WDFY2: variants seen among roughly 807,000 people sequenced by gnomAD.
WDFY2 encodes the protein WD repeat and FYVE domain containing 2.
A neutral mutation model predicts 56.4 loss-of-function variants in WDFY2; 36 were observed. The ratio of observed to expected loss-of-function variants is 0.64; its 90% CI spans 0.49 to 0.84. The LOEUF is 0.84. WDFY2 is among the 40% of genes least tolerant of loss of function. The pLI is 0.00. For missense variants in WDFY2, 444 were observed against 512.2 expected, an observed-to-expected ratio of 0.87 and a Z score of 1.29; for synonymous variants, 176 against 183.7, an observed-to-expected ratio of 0.96 and a Z score of 0.34.
chr13:51,744,435 C>T (rs1255324434), intron 7 of WDFY2, among the ~76,000 whole-genome samples: 2 of 152,236 alleles, frequency 1.3e-5, no homozygotes, highest in Admixed American at 6.5e-5. Flanking sequence ...GGGCATGTGA[C>T]ATGTGCAGTC....
At chr13:51,744,782 C>T (rs763971917) in intron 7 of WDFY2, among the ~76,000 whole-genome samples, 4 of 152,168 alleles carry the variant, frequency 2.6e-5, no homozygotes, top group Admixed American at 2.0e-4. Flanking sequence ...CTAGTATAAA[C>T]GCTACAGTGA....
At chr13:51,697,128 T>C (rs1355658885) in intron 3 of WDFY2, among the ~76,000 whole-genome samples, 1 of 152,200 alleles carries the variant, frequency 6.6e-6, no homozygotes, top group Non-Finnish European at 1.5e-5. Flanking sequence ...TTAAATAAAG[T>C]AGGCACTCTA....
chr13:51,763,305 G>T lies in WDFY2; in HGVS notation c.*3536G>T, dbSNP rs1298953360. On this transcript the variant is annotated 3_prime_UTR_variant, in exon 12 of 12. Transcript: ENST00000298125. ...ATATATGACAGTTTTTTTGGCTCCG[G>T]CCCTGTGGTGGGGGAGGTAATTATT... is the stretch of plus-strand genomic sequence containing the variant. 1.3e-5 allele frequency: 2 copies of T among 152,098 alleles called. No homozygotes were observed. Among genetic ancestry groups the T allele is most frequent in the African/African-American group, 4.8e-5 (2 of 41,410 alleles). The allele number at this position is 152,098 out of a possible 1,614,324, so 9.4% of individuals were successfully genotyped here.
At chr13:51,672,230 T>C (rs1955820454) in intron 2 of WDFY2, among the ~76,000 whole-genome samples, 1 of 152,222 alleles carries the variant, frequency 6.6e-6, no homozygotes, top group African/African-American at 2.4e-5. Context: ...TTGTATAAGG[T>C]GAGAGATGGG....
At chr13:51,643,981 C>G (rs1317831265) in intron 1 of WDFY2, among the ~76,000 whole-genome samples, 1 of 152,138 alleles carries the variant, frequency 6.6e-6, no homozygotes, top group Non-Finnish European at 1.5e-5. Flanking sequence ...TGCTAACTAA[C>G]ATTGATTAAT....
chr13:51,767,651 C>G lies in WDFY2; in HGVS notation c.*7882C>G, dbSNP rs1953791776. On this transcript the variant is annotated 3_prime_UTR_variant, in exon 12 of 12. Transcript: ENST00000298125. ...CAGAATGCCAGATGCATTACTGAAG[C>G]CACTCCTAATCTTAAGCAAATGTAA... 1 of 154,184 alleles carries G rather than the reference C, an allele frequency of 6.5e-6. No homozygotes were observed. The highest frequency in any genetic ancestry group is 1.4e-5 in the Non-Finnish European group (1 of 69,380). 9.6% of individuals were successfully genotyped at this position (154,184 alleles called of 1,614,324 possible).
At chr13:51,706,532 A>T (rs1952085228) in intron 4 of WDFY2, among the ~76,000 whole-genome samples, 1 of 152,254 alleles carries the variant, frequency 6.6e-6, no homozygotes, top group South Asian at 2.1e-4. Flanking sequence ...GGCCCTGAAG[A>T]CTACAAGGAA....
chr13:51,699,481 C>G (rs566198199), intron 3 of WDFY2, among the ~76,000 whole-genome samples: 1 of 152,324 alleles, frequency 6.6e-6, no homozygotes, highest in East Asian at 1.9e-4. Context: ...AAGCATTAGA[C>G]TTACGCTTTG....
intron 10 of WDFY2, among the ~76,000 whole-genome samples, chr13:51,757,458 A>G (rs1448468251): frequency 2.4e-5 from 3 of 123,322 alleles, no homozygotes; most frequent in Non-Finnish European, 3.7e-5. Flanking sequence ...AGAAAAAAGG[A>G]AAAAAAAAAA....
intron 3 of WDFY2, among the ~76,000 whole-genome samples, chr13:51,693,161 A>C (rs1951782493): frequency 6.6e-6 from 1 of 152,050 alleles, no homozygotes; most frequent in Non-Finnish European, 1.5e-5. Context: ...GGATTCATTA[A>C]TTTTTTGAAG....
intron 8 of WDFY2, among the ~76,000 whole-genome samples, chr13:51,753,840 G>A (rs1407802741): frequency 6.6e-6 from 1 of 151,778 alleles, no homozygotes; most frequent in Non-Finnish European, 1.5e-5. Flanking sequence ...AATGCCAGCT[G>A]TTGGGAGGCC....
At chr13:51,614,189 A>C (rs76600426) in intron 1 of WDFY2, among the ~76,000 whole-genome samples, 1 of 147,814 alleles carries the variant, frequency 6.8e-6, no homozygotes, top group Admixed American at 6.7e-5. Flanking sequence ...CGGTCTCCAA[A>C]AAAAAAAAAA....
chr13:51,612,715 A>G (rs1268851974), intron 1 of WDFY2, among the ~76,000 whole-genome samples: 1 of 152,208 alleles, frequency 6.6e-6, no homozygotes. Context: ...TAATGTGGAA[A>G]GTTTATGGTT....
At chr13:51,615,781 TC>T (rs754219267) in intron 1 of WDFY2, among the ~76,000 whole-genome samples, 71 of 152,326 alleles carry the variant, frequency 4.7e-4, no homozygotes, top group Admixed American at 2.1e-3. Flanking sequence ...TTAAAAAAAA[TC>T]TATGTATGCA....
At chr13:51,683,091 G>A (rs1593408923) in intron 3 of WDFY2, among the ~76,000 whole-genome samples, 1 of 152,288 alleles carries the variant, frequency 6.6e-6, no homozygotes, top group East Asian at 1.9e-4. Context: ...TTGGAGAGGT[G>A]TACAGAGTAC....
At chr13:51,737,253 G>A (rs138573307) in intron 6 of WDFY2, among the ~76,000 whole-genome samples, 64 of 152,208 alleles carry the variant, frequency 4.2e-4, no homozygotes, top group African/African-American at 1.5e-3. Context: ...TGTTTTGTGT[G>A]CTTATATATA....
At chr13:51,727,445 ATTTAT>A (rs534458098) in intron 5 of WDFY2, among the ~76,000 whole-genome samples, 105 of 152,208 alleles carry the variant, frequency 6.9e-4, no homozygotes, top group East Asian at 3.3e-3. Context: ...AAATATATAG[ATTTAT>A]TTTATTAATT....
At chr13:51,598,656 G>T (rs1435840688) in intron 1 of WDFY2, 1 of 152,002 alleles carries the variant, frequency 6.6e-6, no homozygotes, top group African/African-American at 2.4e-5. Flanking sequence ...CTCGGAAATG[G>T]GTTTATCTTG....
At chr13:51,758,366 G>A in intron 11 of WDFY2, 66 bp downstream of exon 11, 2 of 1,199,924 alleles carry the variant, frequency 1.7e-6, no homozygotes, top group Non-Finnish European at 1.2e-6. Context: ...GGAGCACCAA[G>A]AACATGGGAG....
Sources: gnomAD v4.1 joint callset for allele counts (sites outside exome capture counted in the v4.1 genomes callset) on GRCh38, gnomAD v4.1.1 for gene constraint, MANE v1.5 for transcripts, NCBI Gene and HGNC (gene_info 2026-07-23, HGNC 2026-07-21) for gene names.